NLGN1: variants seen among roughly 807,000 people sequenced by gnomAD.
NLGN1 encodes neuroligin-1.
NLGN1 carries 12 observed loss-of-function variants against 65.5 expected under a neutral mutation model. The ratio of observed to expected loss-of-function variants is 0.18; its 90% CI spans 0.12 to 0.30. The LOEUF (loss-of-function observed/expected upper bound fraction) is 0.30, where lower values mean the gene tolerates loss of function less well. NLGN1 is among the 10% of genes least tolerant of loss of function. The pLI, the probability that NLGN1 is intolerant of heterozygous loss-of-function variation, is 1.00. For missense variants in NLGN1, 750 were observed against 1,007.1 expected, an observed-to-expected ratio of 0.74 and a Z score of 3.46; for synonymous variants, 350 against 359.5, an observed-to-expected ratio of 0.97 and a Z score of 0.30.
chr3:174,051,069 G>A (rs953556767), intron 4 of NLGN1, among the ~76,000 whole-genome samples: 2 of 152,066 alleles, frequency 1.3e-5, no homozygotes, highest in African/African-American at 2.4e-5. Flanking sequence ...TGGTTCTACT[G>A]TACCAACTCT....
At chr3:173,522,026 C>A (rs1160863663) in intron 2 of NLGN1, among the ~76,000 whole-genome samples, 2 of 152,158 alleles carry the variant, frequency 1.3e-5, no homozygotes, top group East Asian at 3.8e-4. Flanking sequence ...CAATCCCCAC[C>A]ACTATAGCCT....
chr3:174,089,346 C>A (rs993200129), intron 4 of NLGN1, among the ~76,000 whole-genome samples: 1 of 152,098 alleles, frequency 6.6e-6, no homozygotes, highest in Non-Finnish European at 1.5e-5. Context: ...CTTCCGCTAG[C>A]CTGTTCTTTA....
At chr3:174,211,747 G>T in intron 4 of NLGN1, among the ~76,000 whole-genome samples, 1 of 150,194 alleles carries the variant, frequency 6.7e-6, no homozygotes, top group African/African-American at 2.5e-5. Flanking sequence ...CGACACACAG[G>T]TTTTCCAAGG....
intron 4 of NLGN1, among the ~76,000 whole-genome samples, chr3:174,127,230 A>G (rs1354542628): frequency 2.0e-5 from 3 of 152,174 alleles, no homozygotes; most frequent in Non-Finnish European, 4.4e-5. Context: ...GTAGTTTGAT[A>G]AGATCAAGTA....
intron 4 of NLGN1, among the ~76,000 whole-genome samples, chr3:173,812,745 A>G (rs958195014): frequency 7.2e-6 from 1 of 139,506 alleles, no homozygotes; most frequent in Admixed American, 7.4e-5. Flanking sequence ...CACATACTAT[A>G]TATGTGTGTG....
chr3:173,789,982 T>C (rs1560376254), intron 3 of NLGN1: 1 of 433,140 alleles, frequency 2.3e-6, no homozygotes, highest in South Asian at 1.7e-5. Flanking sequence ...TTTAATCCTT[T>C]GTTGTCATAA....
At chr3:173,508,096 T>G (rs552867797) in intron 2 of NLGN1, among the ~76,000 whole-genome samples, 15 of 152,304 alleles carry the variant, frequency 9.8e-5, no homozygotes, top group African/African-American at 3.6e-4. Context: ...AGATCCACTT[T>G]AGGGTTCTTT....
chr3:173,449,627 T>A (rs1721093111), intron 2 of NLGN1, among the ~76,000 whole-genome samples: 8 of 152,312 alleles, frequency 5.3e-5, no homozygotes, highest in Admixed American at 5.2e-4. Context: ...TTGTTAACTT[T>A]CTGTCTCGTT....
intron 1 of NLGN1, among the ~76,000 whole-genome samples, chr3:173,408,011 CA>C (rs768047692): frequency 6.6e-6 from 1 of 152,098 alleles, no homozygotes; most frequent in Non-Finnish European, 1.5e-5. Flanking sequence ...CTGGTTGATA[CA>C]AAATCAAGCT....
intron 5 of NLGN1, 51 bp downstream of exon 5, chr3:174,275,578 A>G (rs371148787): frequency 3.2e-5 from 35 of 1,083,650 alleles, no homozygotes; most frequent in Non-Finnish European, 4.4e-5. Context: ...GCATGCCACC[A>G]CCATCAGTAG....
chr3:173,595,792 C>T (rs1018996243), intron 2 of NLGN1, among the ~76,000 whole-genome samples: 3 of 152,102 alleles, frequency 2.0e-5, no homozygotes, highest in African/African-American at 7.2e-5. Flanking sequence ...GTGGTGGTGG[C>T]AAGAGAAAAT....
Position 174,279,565 on chromosome 3 carries a change from G to T in NLGN1, c.1564G>T (p.Glu522Ter). The T allele has an allele frequency of 1.2e-6, 2 of 1,613,170 alleles. No individual in the cohort carries two copies. The highest frequency in any genetic ancestry group is 1.7e-6 in the Non-Finnish European group (2 of 1,179,470). Reference sequence around the variant, plus strand: ...GGGAATCCCCATGATTGGCCCTACAGAGTTATTTCCTTGCAATTTCTCCAA... The same window carrying T: ...GGGAATCCCCATGATTGGCCCTACATAGTTATTTCCTTGCAATTTCTCCAA... The change falls in exon 6 of 7, where the codon GAG (glutamate) becomes TAG (stop). Residue 522 changes from glutamate (E) to a stop codon, truncating the protein, a stop_gained. Transcript: ENST00000457714. LOFTEE classifies it high-confidence loss of function. This position sits in a 1 kb window ranked among gnomAD's most constrained non-coding sequence, Gnocchi z 4.7.
chr3:173,447,198 G>T (rs894119547), intron 2 of NLGN1, among the ~76,000 whole-genome samples: 1 of 152,182 alleles, frequency 6.6e-6, no homozygotes, highest in Non-Finnish European at 1.5e-5. Context: ...ATGGTTTTAG[G>T]TCTAACATTT....
At chr3:173,751,224 C>CT (rs1560296860) in intron 3 of NLGN1, among the ~76,000 whole-genome samples, 2 of 152,026 alleles carry the variant, frequency 1.3e-5, no homozygotes, top group Middle Eastern at 3.4e-3. Flanking sequence ...ACACTATTTG[C>CT]TTTTTTTGAA....
intron 4 of NLGN1, among the ~76,000 whole-genome samples, chr3:173,809,103 G>T (rs1042855393): frequency 2.0e-5 from 3 of 151,822 alleles, no homozygotes; most frequent in Non-Finnish European, 4.4e-5. Flanking sequence ...GATGCACTGC[G>T]TAAGTGTAGG....
At chr3:174,234,707 G>A (rs1470418447) in intron 4 of NLGN1, among the ~76,000 whole-genome samples, 2 of 152,116 alleles carry the variant, frequency 1.3e-5, no homozygotes, top group Non-Finnish European at 2.9e-5. Flanking sequence ...CATTCCTGGT[G>A]GGAGTTGGGG....
chr3:173,424,533 C>T (rs527470277), intron 1 of NLGN1, among the ~76,000 whole-genome samples: 8 of 152,198 alleles, frequency 5.3e-5, no homozygotes, highest in Admixed American at 1.3e-4. Context: ...TTCACGTTCT[C>T]TCTTGAACAC....
chr3:173,991,447 A>G lies in NLGN1; in HGVS notation c.646+183615A>G, dbSNP rs1177143852. Among the ~76,000 whole-genome samples, 4 of 152,286 alleles carry G rather than the reference A, an allele frequency of 2.6e-5. No individual in the cohort carries two copies. The Middle Eastern group carries it at 0.01, about 388-fold the overall frequency. On this transcript the variant is annotated intron_variant, in intron 4 of 6. Transcript: ENST00000457714. Reference sequence around the variant, plus strand: ...GAAAACCTCTAGAGCAGGGCTGTCAAATTAAATTTTCTGTGATGAAAGAAA... The same window carrying G: ...GAAAACCTCTAGAGCAGGGCTGTCAGATTAAATTTTCTGTGATGAAAGAAA...
At chr3:174,040,827 C>T (rs907265964) in intron 4 of NLGN1, among the ~76,000 whole-genome samples, 2 of 152,054 alleles carry the variant, frequency 1.3e-5, no homozygotes, top group Non-Finnish European at 2.9e-5. Flanking sequence ...CTATCATTAA[C>T]ATTTTATTAT....
Sources: allele counts gnomAD v4.1 joint callset (sites outside exome capture counted in the v4.1 genomes callset), GRCh38; gene constraint gnomAD v4.1.1; non-coding constraint Gnocchi (gnomAD v3.1); transcripts MANE v1.5; gene names NCBI Gene and HGNC (gene_info 2026-07-23, HGNC 2026-07-21).